The following KLRG1 variants were observed in gnomAD, a reference collection of about 807,000 sequenced individuals.
KLRG1 encodes killer cell lectin-like receptor subfamily G member 1.
KLRG1 carries 16 observed loss-of-function variants against 21.8 expected under a neutral mutation model. That is an observed-to-expected ratio of 0.73 (90% CI 0.50 to 1.11). The LOEUF (loss-of-function observed/expected upper bound fraction) is 1.11, where lower values mean the gene tolerates loss of function less well. Among genes scored for constraint, KLRG1 ranks in the 50% most tolerant of loss-of-function variants. The pLI is 0.00. For missense variants in KLRG1, 173 were observed against 218.3 expected (o/e 0.79, Z 1.31); for synonymous variants, 69 against 75.9 (o/e 0.91, Z 0.47).
At chr12:9,145,051 C>G in the KLRG1 span, among the ~76,000 whole-genome samples, 2 of 152,148 alleles carry the variant, frequency 1.3e-5, no homozygotes, top group Non-Finnish European at 2.9e-5. Context: ...CACTTTCAGC[C>G]TATGTGTGTT....
At chr12:9,074,808 A>G in the KLRG1 span, 1 of 1,571,832 alleles carries the variant, frequency 6.4e-7, no homozygotes, top group South Asian at 1.2e-5. Context: ...AAAGATATTT[A>G]TAAGTGCCTA....
the KLRG1 span, among the ~76,000 whole-genome samples, chr12:9,100,770 C>G: frequency 6.6e-6 from 1 of 152,188 alleles, no homozygotes; most frequent in Non-Finnish European, 1.5e-5. Flanking sequence ...GAAAACCAAA[C>G]ATCATATCTT....
chr12:9,157,654 A>G, the KLRG1 span: 78 of 941,754 alleles, frequency 8.3e-5, no homozygotes, highest in African/African-American at 1.2e-3. Context: ...AGTCTGAGAA[A>G]TCCCTCATCA....
chr12:9,107,481 T>C, the KLRG1 span: 1 of 1,604,438 alleles, frequency 6.2e-7, no homozygotes, highest in East Asian at 2.2e-5. Context: ...TTTTCAACAA[T>C]GCCTTTATCG....
At chr12:8,974,110 C>A (rs920977406) in intron 1 of KLRG1, among the ~76,000 whole-genome samples, 1 of 151,164 alleles carries the variant, frequency 6.6e-6, no homozygotes, top group Admixed American at 6.6e-5. Flanking sequence ...GACATCTTTT[C>A]CTTTAACCAG....
the KLRG1 span, chr12:9,095,700 C>T: frequency 6.4e-7 from 1 of 1,553,800 alleles, no homozygotes; most frequent in Non-Finnish European, 8.7e-7. Context: ...AGGTTGTAAA[C>T]CTGTACAAAT....
chr12:9,132,340 TGATAAAC>T, the KLRG1 span, among the ~76,000 whole-genome samples: 1 of 152,210 alleles, frequency 6.6e-6, no homozygotes, highest in African/African-American at 2.4e-5. Context: ...TAGGTCAGTG[TGATAAAC>T]GACATGGGTT....
At chr12:9,149,551 G>T in the KLRG1 span, 1 of 1,610,946 alleles carries the variant, frequency 6.2e-7, no homozygotes, top group South Asian at 1.1e-5. Flanking sequence ...CATAAGTGGT[G>T]AACTCTTACC....
chr12:9,167,527 TC>T, the KLRG1 span: 157 of 152,292 alleles, frequency 1.0e-3, no homozygotes, highest in African/African-American at 3.1e-3. Context: ...GGGTGGGGGT[TC>T]CTTCCGTTGC....
At chr12:8,992,948 A>G (rs1038938512) in intron 2 of KLRG1, among the ~76,000 whole-genome samples, 1 of 151,968 alleles carries the variant, frequency 6.6e-6, no homozygotes, top group African/African-American at 2.4e-5. Flanking sequence ...ATAATTTTGT[A>G]TATTGCTTTT....
chr12:8,950,787 A>G (rs958323671), intron 1 of KLRG1, among the ~76,000 whole-genome samples: 1 of 152,064 alleles, frequency 6.6e-6, no homozygotes, highest in African/African-American at 2.4e-5. Flanking sequence ...TGGTCTTCAC[A>G]CCAACCTTAT....
the KLRG1 span, among the ~76,000 whole-genome samples, chr12:9,158,018 A>G: frequency 6.6e-6 from 1 of 152,190 alleles, no homozygotes; most frequent in Admixed American, 6.5e-5. Context: ...CAGTAGCACT[A>G]TCACACATGA....
At chr12:9,074,883 A>G in the KLRG1 span, 1 of 1,213,750 alleles carries the variant, frequency 8.2e-7, no homozygotes. Flanking sequence ...TTGCATGCCC[A>G]TTATAATCCC....
intron 1 of KLRG1, among the ~76,000 whole-genome samples, chr12:8,957,081 C>T (rs750264377): frequency 3.9e-5 from 6 of 152,340 alleles, no homozygotes; most frequent in African/African-American, 1.4e-4. Context: ...TGTGGAACAC[C>T]ACCAAAAAAT....
At chr12:9,094,079 T>C in the KLRG1 span, among the ~76,000 whole-genome samples, 44 of 151,950 alleles carry the variant, frequency 2.9e-4, no homozygotes, top group African/African-American at 1.0e-3. Flanking sequence ...GAGAGTGTTA[T>C]GACACAAGGC....
chr12:9,197,720 T>TATATATAATTATATATTATACAATACATA, the KLRG1 span, among the ~76,000 whole-genome samples: 1 of 86,400 alleles, frequency 1.2e-5, no homozygotes, highest in Admixed American at 2.0e-4. Context: ...CAATACATAA[T>TATATATAATTATATATTATACAATACATA]ATATATAATT....
downstream of KLRG1, among the ~76,000 whole-genome samples, chr12:9,012,520 A>G (rs957670673): frequency 3.9e-5 from 6 of 152,042 alleles, no homozygotes; most frequent in Non-Finnish European, 5.9e-5. Flanking sequence ...ATCCAGTGCC[A>G]TGCGGCTTCC....
chr12:9,176,403 GT>G, the KLRG1 span, among the ~76,000 whole-genome samples: 1 of 152,166 alleles, frequency 6.6e-6, no homozygotes, highest in Non-Finnish European at 1.5e-5. Context: ...CATGGCACAT[GT>G]TTACCTATGT....
the KLRG1 span, chr12:9,196,661 G>T: frequency 6.8e-6 from 11 of 1,612,418 alleles, no homozygotes; most frequent in African/African-American, 1.5e-4. Context: ...TGTACTTGTT[G>T]GGTGATGCAG....
Sources: allele counts gnomAD v4.1 joint callset (sites outside exome capture counted in the v4.1 genomes callset), GRCh38; gene constraint gnomAD v4.1.1; transcripts MANE v1.5; gene names NCBI Gene and HGNC (gene_info 2026-07-23, HGNC 2026-07-21).